Variants in DLG2 observed in about 807,000 individuals in gnomAD.
DLG2 encodes the protein discs large MAGUK scaffold protein 2.
A neutral mutation model predicts 132.5 loss-of-function variants in DLG2; 45 were observed. The observed-to-expected ratio is 0.34, with a 90% CI of 0.27 to 0.44. DLG2 has a LOEUF of 0.44. Among genes scored for constraint, DLG2 ranks in the 20% least tolerant of loss-of-function variants. DLG2 has a pLI of 1.00. For missense variants in DLG2, 1,045 were observed against 1,196.9 expected (o/e 0.87, Z 1.87); for synonymous variants, 424 against 419.6 (o/e 1.01, Z -0.13).
At chr11:83,867,235 C>T (rs2062568461) in intron 16 of DLG2, among the ~76,000 whole-genome samples, 1 of 152,112 alleles carries the variant, frequency 6.6e-6, no homozygotes. Context: ...GCTCAAATCT[C>T]AGTTCTGCTA....
At chr11:83,965,276 C>G in intron 13 of DLG2, 48 bp downstream of exon 13, 1 of 1,553,286 alleles carries the variant, frequency 6.4e-7, no homozygotes, top group East Asian at 2.3e-5. Flanking sequence ...TATAGAATTC[C>G]AGTTCTGCAA....
At chr11:83,592,187 C>G (rs1375277285) in intron 19 of DLG2, among the ~76,000 whole-genome samples, 1,882 of 109,998 alleles carry the variant, frequency 0.017, no homozygotes, top group East Asian at 0.024. Context: ...ATCGCCAAGG[C>G]AATCCTAAGC....
intron 6 of DLG2, among the ~76,000 whole-genome samples, chr11:84,591,256 T>TGTGCGC (rs773255134): frequency 2.0e-5 from 3 of 150,242 alleles, no homozygotes; most frequent in African/African-American, 7.5e-5. Flanking sequence ...TGTGTGTGTG[T>TGTGCGC]GCGCGTCTTT....
At chr11:84,408,620 A>C (rs2098874578) in intron 7 of DLG2, among the ~76,000 whole-genome samples, 1 of 152,166 alleles carries the variant, frequency 6.6e-6, no homozygotes, top group Admixed American at 6.5e-5. Flanking sequence ...AATGCAATGA[A>C]ATTATTGCAG....
intron 7 of DLG2, among the ~76,000 whole-genome samples, chr11:84,319,414 C>G (rs137939165): frequency 2.8e-4 from 42 of 152,326 alleles, no homozygotes; most frequent in Admixed American, 7.8e-4. Context: ...CCAATCTTAT[C>G]TAACCATAGA....
At chr11:84,407,113 G>T (rs1051567555) in intron 7 of DLG2, among the ~76,000 whole-genome samples, 16 of 152,062 alleles carry the variant, frequency 1.1e-4, no homozygotes, top group Admixed American at 1.0e-3. Context: ...CCCACCTGGT[G>T]CCCCAGTTCT....
At position 85,283,235 on chromosome 11, in the gene DLG2, A is replaced by T. The variant is rs184749894; in HGVS notation, c.186+1985T>A. Among the ~76,000 whole-genome samples, 379 of 152,114 alleles carry T rather than the reference A, an allele frequency of 2.5e-3. 4 individuals are homozygous for T. Among genetic ancestry groups the T allele is most frequent in the African/African-American group, 8.9e-3 (368 of 41,542 alleles). On this transcript the variant is annotated intron_variant, in intron 4 of 27. Transcript: ENST00000376104. ...GCACATGTACCCCTGAATTTAAAAT[A>T]AAAGTTAAAAATTGATTAATTAATT... is the stretch of plus-strand genomic sequence containing the variant.
chr11:83,558,017 T>C (rs1461441039), intron 19 of DLG2, among the ~76,000 whole-genome samples: 1 of 152,168 alleles, frequency 6.6e-6, no homozygotes. Context: ...ATGGAATCTA[T>C]AAAATAGGCA....
intron 15 of DLG2, among the ~76,000 whole-genome samples, chr11:83,888,818 T>A: frequency 6.6e-6 from 1 of 152,204 alleles, no homozygotes. Flanking sequence ...TACAACTATC[T>A]GATCTTTGAC....
chr11:84,680,567 T>G (rs1181141935), intron 6 of DLG2, among the ~76,000 whole-genome samples: 1 of 152,190 alleles, frequency 6.6e-6, no homozygotes, highest in Non-Finnish European at 1.5e-5. Flanking sequence ...TTTCTTCACT[T>G]AAAACCTTTC....
At chr11:85,016,077 C>A (rs575213934) in intron 6 of DLG2, among the ~76,000 whole-genome samples, 1 of 151,724 alleles carries the variant, frequency 6.6e-6, no homozygotes, top group Non-Finnish European at 1.5e-5. Flanking sequence ...TAGGTAAAAA[C>A]GTCATTGTCA....
intron 6 of DLG2, among the ~76,000 whole-genome samples, chr11:84,646,012 T>C (rs867629102): frequency 2.0e-5 from 3 of 152,326 alleles, no homozygotes; most frequent in Middle Eastern, 3.4e-3. Context: ...CCCGAAAACT[T>C]CTGAGAAGGG....
chr11:85,620,063 A>C (rs1289599104), intron 2 of DLG2, among the ~76,000 whole-genome samples: 3 of 152,152 alleles, frequency 2.0e-5, no homozygotes, highest in Non-Finnish European at 2.9e-5. Context: ...CAAGTCTATC[A>C]CTGGCAATTT....
intron 7 of DLG2, among the ~76,000 whole-genome samples, chr11:84,260,004 T>G (rs1009714521): frequency 3.3e-4 from 50 of 149,752 alleles, no homozygotes; most frequent in African/African-American, 1.2e-3. Context: ...ATTAGTATTT[T>G]TTATCCCCTT....
chr11:83,472,674 T>C (rs1296217239), intron 23 of DLG2, 53 bp downstream of exon 23: 2 of 1,508,948 alleles, frequency 1.3e-6, no homozygotes, highest in Non-Finnish European at 1.8e-6. Context: ...CCTTCAATGA[T>C]GTCACCTCTT....
chr11:84,390,559 C>G (rs1294085852), intron 7 of DLG2, among the ~76,000 whole-genome samples: 1 of 151,944 alleles, frequency 6.6e-6, no homozygotes, highest in Non-Finnish European at 1.5e-5. Flanking sequence ...GCAAGGAGAC[C>G]GCAGGTGGTA....
intron 14 of DLG2, among the ~76,000 whole-genome samples, chr11:83,954,721 C>G (rs1021675978): frequency 1.3e-5 from 2 of 152,086 alleles, no homozygotes; most frequent in African/African-American, 4.8e-5. Flanking sequence ...TTTAAAAGGG[C>G]AAAATCAACA....
intron 6 of DLG2, among the ~76,000 whole-genome samples, chr11:84,619,294 G>T (rs1240085673): frequency 2.6e-5 from 4 of 151,746 alleles, no homozygotes; most frequent in Non-Finnish European, 1.5e-5. Context: ...AGGTGGGTTG[G>T]AATGTTAATT....
chr11:84,097,512 A>G (rs555789769), intron 10 of DLG2, among the ~76,000 whole-genome samples: 1 of 152,160 alleles, frequency 6.6e-6, no homozygotes, highest in African/African-American at 2.4e-5. Context: ...TGCTTTCTGT[A>G]TTCAGAGTTA....
Sources: allele counts gnomAD v4.1 joint callset (sites outside exome capture counted in the v4.1 genomes callset), GRCh38; gene constraint gnomAD v4.1.1; transcripts MANE v1.5; gene names NCBI Gene and HGNC (gene_info 2026-07-23, HGNC 2026-07-21).